NPSR1: variants seen among roughly 807,000 people sequenced by gnomAD.
The protein encoded by NPSR1 is neuropeptide S receptor.
NPSR1 carries 48 observed loss-of-function variants against 46.9 expected under a neutral mutation model. The ratio of observed to expected loss-of-function variants is 1.02; its 90% CI spans 0.81 to 1.30. The LOEUF (loss-of-function observed/expected upper bound fraction) is 1.30, where lower values mean the gene tolerates loss of function less well. Ranked by LOEUF, NPSR1 falls within the 50% of genes most tolerant of loss-of-function variation. NPSR1 has a pLI of 0.00. For missense variants in NPSR1, 450 were observed against 449.5 expected, an observed-to-expected ratio of 1.00 and a Z score of -0.01; for synonymous variants, 176 against 168.1, an observed-to-expected ratio of 1.05 and a Z score of -0.36.
intron 2 of NPSR1, among the ~76,000 whole-genome samples, chr7:34,756,371 A>C (rs1211288700): frequency 6.6e-6 from 1 of 152,234 alleles, no homozygotes; most frequent in Admixed American, 6.5e-5. Context: ...GAATGCCAGG[A>C]GATTAAGCAA....
chr7:34,667,350 AGGGGGGT>A (rs1562637836), intron 1 of NPSR1, among the ~76,000 whole-genome samples: 3 of 152,198 alleles, frequency 2.0e-5, no homozygotes, highest in African/African-American at 7.2e-5. Flanking sequence ...GACAGGAGAA[AGGGGGGT>A]AGTCATGGAG....
At chr7:34,758,898 A>G (rs1786018879) in intron 2 of NPSR1, among the ~76,000 whole-genome samples, 2 of 152,222 alleles carry the variant, frequency 1.3e-5, no homozygotes, top group Non-Finnish European at 2.9e-5. Context: ...AACTTAGAAC[A>G]GTTCCTTGGT....
intron 2 of NPSR1, among the ~76,000 whole-genome samples, chr7:34,690,248 C>G (rs1358226533): frequency 6.6e-6 from 1 of 151,152 alleles, no homozygotes; most frequent in African/African-American, 2.4e-5. Flanking sequence ...GGAAAAAAGT[C>G]ACATCCAAAT....
At chr7:34,723,658 T>C (rs1434972921) in intron 2 of NPSR1, among the ~76,000 whole-genome samples, 1 of 152,122 alleles carries the variant, frequency 6.6e-6, no homozygotes, top group Admixed American at 6.5e-5. Context: ...CCAAAAGAAT[T>C]CTTTTGCACT....
intron 2 of NPSR1, chr7:34,703,789 C>T (rs1793967235): frequency 6.6e-6 from 1 of 152,208 alleles, no homozygotes; most frequent in African/African-American, 2.4e-5. Flanking sequence ...ATTTTATGAG[C>T]TAAAGTGCCA....
chr7:34,867,052 G>C (rs578253733), intron 8 of NPSR1, among the ~76,000 whole-genome samples: 3 of 151,632 alleles, frequency 2.0e-5, no homozygotes, highest in African/African-American at 4.9e-5. Flanking sequence ...GCCTGAATAA[G>C]ACCCTTCCAA....
At chr7:34,725,038 A>G (rs1327091580) in intron 2 of NPSR1, among the ~76,000 whole-genome samples, 1 of 151,834 alleles carries the variant, frequency 6.6e-6, no homozygotes, top group Non-Finnish European at 1.5e-5. Context: ...TCTACATGGA[A>G]AAGGAGCAAA....
At chr7:34,716,478 T>C (rs900893423) in intron 2 of NPSR1, among the ~76,000 whole-genome samples, 3 of 152,172 alleles carry the variant, frequency 2.0e-5, no homozygotes, top group African/African-American at 7.2e-5. Flanking sequence ...CTGCTTTCTA[T>C]TGGGAGATCT....
chr7:34,678,338 C>A (rs61410243), intron 1 of NPSR1, among the ~76,000 whole-genome samples: 26,586 of 150,470 alleles, frequency 0.18, 3,424 homozygotes, highest in African/African-American at 0.36. Flanking sequence ...TCTCCTGGCT[C>A]AGCCTCCCGA....
At chr7:34,801,876 A>AC (rs752599506) in intron 3 of NPSR1, among the ~76,000 whole-genome samples, 12 of 149,962 alleles carry the variant, frequency 8.0e-5, no homozygotes, top group Non-Finnish European at 1.5e-4. Context: ...GTCTCAGGAT[A>AC]CAAAATCAAT....
intron 6 of NPSR1, among the ~76,000 whole-genome samples, chr7:34,844,135 A>G (rs2128763492): frequency 6.6e-6 from 1 of 152,358 alleles, no homozygotes; most frequent in Non-Finnish European, 1.5e-5. Context: ...GGTAATCACT[A>G]CTTTAACTAA....
chr7:34,793,212 C>A (rs80180259), intron 3 of NPSR1, among the ~76,000 whole-genome samples: 1 of 151,684 alleles, frequency 6.6e-6, no homozygotes, highest in African/African-American at 2.4e-5. Context: ...AATGGGATTG[C>A]AGGAAACTAA....
At position 34,791,048 on chromosome 7, in the gene NPSR1, A is replaced by G. The variant is rs1160934646; in HGVS notation, c.384+12483A>G. Among the ~76,000 whole-genome samples the G allele has an allele frequency of 1.7e-5, 2 of 118,228 alleles. 1 individual carries two copies. Among genetic ancestry groups the G allele is most frequent in the African/African-American group, 7.0e-5 (2 of 28,774 alleles). The allele number at this position is 118,228 out of a possible 152,430, so 77.6% of individuals were successfully genotyped here. ...TTATATGTTATATATTATATTATAT[A>G]TGTTATATGTTATATATTATATTAT... On this transcript the variant is annotated intron_variant, in intron 3 of 8. Transcript: ENST00000360581.
intron 2 of NPSR1, among the ~76,000 whole-genome samples, chr7:34,689,678 T>C (rs1583815137): frequency 6.8e-6 from 1 of 148,140 alleles, no homozygotes; most frequent in Non-Finnish European, 1.5e-5. Context: ...CATGGTGGTT[T>C]ATGCCTGTAG....
At chr7:34,837,828 C>T (rs1790426642) in intron 6 of NPSR1, among the ~76,000 whole-genome samples, 1 of 152,172 alleles carries the variant, frequency 6.6e-6, no homozygotes, top group Non-Finnish European at 1.5e-5. Context: ...CAGAGCTCTG[C>T]CTTCAGAGAG....
chr7:34,822,137 A>C (rs1181207901), intron 4 of NPSR1, among the ~76,000 whole-genome samples: 1 of 152,148 alleles, frequency 6.6e-6, no homozygotes, highest in East Asian at 1.9e-4. Context: ...GATACTCACA[A>C]GTTTATAGGG....
intron 3 of NPSR1, among the ~76,000 whole-genome samples, chr7:34,791,538 T>A (rs1476141714): frequency 6.6e-6 from 1 of 151,526 alleles, no homozygotes; most frequent in African/African-American, 2.4e-5. Context: ...AACTATAATA[T>A]ATTGATGAAA....
At chr7:34,786,773 T>C (rs1460397065) in intron 3 of NPSR1, among the ~76,000 whole-genome samples, 2 of 152,146 alleles carry the variant, frequency 1.3e-5, no homozygotes, top group Non-Finnish European at 2.9e-5. Context: ...GCACTGTCAA[T>C]GAGCAGTGAT....
At chr7:34,738,466 C>T (rs1404427590) in intron 2 of NPSR1, among the ~76,000 whole-genome samples, 2 of 152,188 alleles carry the variant, frequency 1.3e-5, no homozygotes, top group Non-Finnish European at 2.9e-5. Flanking sequence ...ATTCAATTTA[C>T]TGACATAAAT....
Sources: allele counts gnomAD v4.1 joint callset (sites outside exome capture counted in the v4.1 genomes callset), GRCh38; gene constraint gnomAD v4.1.1; transcripts MANE v1.5; gene names NCBI Gene and HGNC (gene_info 2026-07-23, HGNC 2026-07-21).